The following TF variants were observed in gnomAD, a reference collection of about 807,000 sequenced individuals.
TF encodes serotransferrin.
Under a neutral mutation model 82.4 loss-of-function variants are expected in TF, and 55 were observed. The observed-to-expected ratio is 0.67, with a 90% CI of 0.54 to 0.84. TF has a LOEUF of 0.84. Ranked by LOEUF, TF falls within the 40% of genes least tolerant of loss-of-function variation. The pLI, the probability that TF is intolerant of heterozygous loss-of-function variation, is 0.00. For missense variants in TF, 737 were observed against 868.4 expected, an observed-to-expected ratio of 0.85 and a Z score of 1.90; for synonymous variants, 332 against 332.6, an observed-to-expected ratio of 1.00 and a Z score of 0.02.
rs985835462 is a variant in TF, at chr3:133,784,818, A to G, written c.*6198A>G. The G allele has an allele frequency of 6.6e-6, 1 of 152,302 alleles. No individual in the cohort carries two copies. The allele number at this position is 152,302 out of a possible 1,614,324, so 9.4% of individuals were successfully genotyped here. A position where few individuals can be genotyped will look rare whatever the true frequency, so the allele number is the denominator to read the frequency against. On this transcript the variant is annotated 3_prime_UTR_variant, in exon 17 of 17. Coordinates refer to ENST00000402696, the MANE Select transcript of TF (RefSeq NM_001063.4). Reference sequence around the variant, plus strand: ...CATGGGGCAGAAGACCTGAGAAGGAAGAGAGGACAGTTCTGTGCCACACTG... The same window carrying G: ...CATGGGGCAGAAGACCTGAGAAGGAGGAGAGGACAGTTCTGTGCCACACTG...
At chr3:133,739,964 C>T in the TF span, among the ~76,000 whole-genome samples, 1,006 of 152,178 alleles carry the variant, frequency 6.6e-3, 8 homozygotes, top group African/African-American at 0.023. Flanking sequence ...ACCATTTGAC[C>T]CAGCAATCCC....
chr3:133,758,444 A>G (rs1933899613), intron 8 of TF, among the ~76,000 whole-genome samples: 1 of 152,242 alleles, frequency 6.6e-6, no homozygotes, highest in Non-Finnish European at 1.5e-5. Flanking sequence ...GGTGCTGGAC[A>G]TAGGATGGCA....
At chr3:133,696,336 A>C in the TF span, among the ~76,000 whole-genome samples, 1 of 152,066 alleles carries the variant, frequency 6.6e-6, no homozygotes, top group Admixed American at 6.6e-5. Context: ...TATTGTTGTT[A>C]ATCTCTTACT....
chr3:133,703,718 A>T, the TF span, among the ~76,000 whole-genome samples: 1 of 152,256 alleles, frequency 6.6e-6, no homozygotes, highest in Non-Finnish European at 1.5e-5. Flanking sequence ...CTCTATTAGA[A>T]AAATTAATTG....
In TF at chr3:133,746,479, C is replaced by G; in HGVS notation, c.39C>G (p.Val13=). 1 of 1,598,856 alleles carries G rather than the reference C, an allele frequency of 6.3e-7. No homozygotes were observed. The highest frequency in any genetic ancestry group is 1.1e-5 in the South Asian group (1 of 89,450). ...LAVGALLVCA[V]LGLCLAVPDK... ...TGGGAGCCCTGCTGGTCTGCGCCGT[C>G]CTGGGTGAGTGCGGGCACGGGGTAG... Residue 13 remains valine, a synonymous_variant, in exon 1 of 17, where the codon GTC becomes GTG. Transcript: ENST00000402696.
chr3:133,745,773 C>G (rs868704696), upstream of TF, among the ~76,000 whole-genome samples: 20 of 152,208 alleles, frequency 1.3e-4, no homozygotes, highest in African/African-American at 4.6e-4. Flanking sequence ...AGCTTGAGGG[C>G]GGGAAGTTTT....
At chr3:133,772,549 T>C (rs1934285868) in intron 14 of TF, among the ~76,000 whole-genome samples, 1 of 152,232 alleles carries the variant, frequency 6.6e-6, no homozygotes, top group Non-Finnish European at 1.5e-5. Context: ...TGTAGTTGTA[T>C]ATATACAATC....
intron 14 of TF, chr3:133,774,943 T>C (rs1559878801): frequency 5.2e-6 from 2 of 383,932 alleles, no homozygotes; most frequent in Non-Finnish European, 1.0e-5. Context: ...CACACAGGTG[T>C]GTGCACATTC....
In TF at chr3:133,775,607, G is replaced by T. The variant is rs367888376; in HGVS notation, c.1862G>T (p.Arg621Leu). 6.2e-7 allele frequency: 1 copy of T among 1,614,062 alleles called. No individual in the cohort carries two copies. The highest frequency in any genetic ancestry group is 1.7e-5 in the Admixed American group (1 of 60,026). The part of the protein sequence containing the change: ...DKEACVHKIL[R>L]QQQHLFGSNV... ...GAAGCTTGCGTCCACAAGATATTAC[G>T]TCAACAGCAGGTATGGACCAGCCAG... Residue 621 changes from arginine (R) to leucine (L), a missense_variant, in exon 15 of 17, where the codon CGT becomes CTT. Transcript: ENST00000402696.
the TF span, among the ~76,000 whole-genome samples, chr3:133,715,047 C>T: frequency 5.9e-5 from 9 of 152,184 alleles, no homozygotes; most frequent in African/African-American, 1.9e-4. Flanking sequence ...CAATCCCGCA[C>T]CTTTCCCCGT....
the TF span, among the ~76,000 whole-genome samples, chr3:133,688,996 GA>G: frequency 6.6e-6 from 1 of 152,046 alleles, no homozygotes; most frequent in Non-Finnish European, 1.5e-5. Flanking sequence ...ATTATTTCTG[GA>G]AAAATATTAT....
chr3:133,757,939 AG>A lies in TF; in HGVS notation c.1043del (p.Gly348AlafsTer14), dbSNP rs1266916500. The A allele has an allele frequency of 2.5e-6, 4 of 1,614,152 alleles. No individual in the cohort carries two copies. The highest frequency in any genetic ancestry group is 3.3e-5 in the Admixed American group (2 of 60,026). On this transcript the variant is annotated frameshift_variant, in exon 8 of 17. Coordinates refer to ENST00000402696, the MANE Select transcript of TF (RefSeq NM_001063.4). LOFTEE classifies it high-confidence loss of function. The part of the protein sequence containing the change: ...YVTAIRNLRE[G>X]TCPEAPTDEC... The stretch of plus-strand genomic sequence containing the variant: ...TCACTGCCATCCGGAATCTACGGGA[AG>A]GCACATGTGAGTACCTGGGAAGAAC...
the TF span, among the ~76,000 whole-genome samples, chr3:133,729,938 A>G: frequency 2.0e-5 from 3 of 152,128 alleles, no homozygotes; most frequent in African/African-American, 7.2e-5. Context: ...CTTAAGATCA[A>G]TATTTTTAAA....
At chr3:133,679,799 A>G in the TF span, among the ~76,000 whole-genome samples, 9 of 152,122 alleles carry the variant, frequency 5.9e-5, no homozygotes, top group Non-Finnish European at 7.4e-5. Flanking sequence ...TTGGGAGGAC[A>G]TGTATTTTCA....
At chr3:133,770,439 G>GC in intron 13 of TF, 69 bp from the exon 14 acceptor site, 1 of 1,413,732 alleles carries the variant, frequency 7.1e-7, no homozygotes, top group African/African-American at 1.4e-5. Flanking sequence ...CTATAAGGTA[G>GC]CCCCCTGAAT....
At chr3:133,729,751 C>T in the TF span, among the ~76,000 whole-genome samples, 27 of 152,264 alleles carry the variant, frequency 1.8e-4, no homozygotes, top group Non-Finnish European at 2.6e-4. Flanking sequence ...TCTTCTGCAT[C>T]GCTCACGCTG....
chr3:133,666,535 G>C, the TF span, among the ~76,000 whole-genome samples: 1 of 152,256 alleles, frequency 6.6e-6, no homozygotes, highest in African/African-American at 2.4e-5. Context: ...AGTCTGATTA[G>C]CAAAACATTT....
chr3:133,712,481 CCTTTA>C, the TF span, among the ~76,000 whole-genome samples: 4 of 152,244 alleles, frequency 2.6e-5, no homozygotes, highest in East Asian at 7.7e-4. Flanking sequence ...AGTCAGTTCC[CCTTTA>C]CTTAGCTCCA....
At position 133,756,340 on chromosome 3, in the gene TF, A is replaced by G. The variant is rs754017350; in HGVS notation, c.691+3A>G. 1.5e-5 allele frequency: 25 copies of G among 1,613,968 alleles called. No homozygotes were observed. Among genetic ancestry groups the G allele is most frequent in the Middle Eastern group, 1.6e-4 (1 of 6,084 alleles). The stretch of plus-strand genomic sequence containing the variant: ...TGTCAAGCACTCGACTATATTTGGT[A>G]AGAATGGGACAAGAATCCACCAGGG... On this transcript the variant is annotated splice_donor_region_variant and intron_variant, in intron 6 of 16. Transcript: ENST00000402696.
Sources: allele counts gnomAD v4.1 joint callset (sites outside exome capture counted in the v4.1 genomes callset), GRCh38; gene constraint gnomAD v4.1.1; transcripts MANE v1.5; gene names NCBI Gene and HGNC (gene_info 2026-07-23, HGNC 2026-07-21).